The following ZC4H2 variants were observed in gnomAD, a reference collection of about 807,000 sequenced individuals.
The protein encoded by ZC4H2 is zinc finger C4H2-type containing, also known as zinc finger C4H2 domain-containing protein.
For missense variants in ZC4H2, 137 were observed against 173.9 expected, an observed-to-expected ratio of 0.79 and a Z score of 1.19; for synonymous variants, 84 against 66.3, an observed-to-expected ratio of 1.27 and a Z score of -1.30.
At chrX:64,955,943 G>C (rs1931139164) in intron 1 of ZC4H2, among the ~76,000 whole-genome samples, 1 of 111,769 alleles carries the variant, frequency 8.9e-6, no homozygotes, top group African/African-American at 3.3e-5. Flanking sequence ...GGGTTAAAGT[G>C]AACATTATGA....
chrX:64,923,902 C>A (rs1046588544), intron 1 of ZC4H2, among the ~76,000 whole-genome samples: 2 of 111,003 alleles, frequency 1.8e-5, no homozygotes, highest in African/African-American at 3.3e-5. Context: ...GGTTACCAGG[C>A]TGAAGGGCAT....
intron 1 of ZC4H2, among the ~76,000 whole-genome samples, chrX:64,937,696 T>C (rs755044087): frequency 7.5e-4 from 84 of 111,550 alleles, no homozygotes; most frequent in African/African-American, 1.8e-3. Context: ...AGGTAATTAA[T>C]GAAATGAAGG....
At chrX:64,919,383 G>T in intron 3 of ZC4H2, 179 bp from the exon 4 acceptor site, 1 of 464,907 alleles carries the variant, frequency 2.2e-6, no homozygotes, top group Non-Finnish European at 3.5e-6. Context: ...TGATGAGAAG[G>T]GTAATCCTCT....
intron 4 of ZC4H2, 77 bp from the exon 5 acceptor site, chrX:64,917,973 G>A (rs1438535955): frequency 2.2e-5 from 24 of 1,097,409 alleles, no homozygotes; most frequent in South Asian, 6.4e-5. Context: ...GATTCCCCAG[G>A]GGCCCAGAAA....
rs142698608 is a variant in ZC4H2, at chrX:65,021,854, A to C, written c.-272+12775T>G. 7.0e-3 allele frequency among the ~76,000 whole-genome samples: 775 copies of C among 110,862 alleles called. 13 individuals are homozygous for C. Among genetic ancestry groups the C allele is most frequent in the African/African-American group, 0.024 (717 of 29,623 alleles). ...AATGATAAAGGGGATATCACCACCG[A>C]TCCCACAGAAATACTAACTACCATC... On this transcript the variant is annotated intron_variant, in intron 1 of 4. Coordinates refer to the ZC4H2 transcript ENST00000337990.
At chrX:65,009,097 T>C (rs765909296) in intron 1 of ZC4H2, among the ~76,000 whole-genome samples, 7 of 112,162 alleles carry the variant, frequency 6.2e-5, no homozygotes, top group Admixed American at 1.9e-4. Context: ...GTACAACTAT[T>C]ATGTATCCAT....
At chrX:64,956,121 T>C (rs1014604588) in intron 1 of ZC4H2, among the ~76,000 whole-genome samples, 1 of 112,194 alleles carries the variant, frequency 8.9e-6, no homozygotes, top group Non-Finnish European at 1.9e-5. Flanking sequence ...GTGAAAGTTA[T>C]ACTAAATAAT....
At chrX:64,966,228 G>A (rs1019229719) in intron 1 of ZC4H2, among the ~76,000 whole-genome samples, 5 of 111,959 alleles carry the variant, frequency 4.5e-5, no homozygotes, top group Non-Finnish European at 7.5e-5. Context: ...TTAGGAATAT[G>A]CAAGTTAAAA....
At chrX:64,943,041 T>C (rs900644303) in intron 1 of ZC4H2, among the ~76,000 whole-genome samples, 1 of 112,260 alleles carries the variant, frequency 8.9e-6, no homozygotes, top group Non-Finnish European at 1.9e-5. Context: ...TGAGATGGTA[T>C]CTCATTGTGG....
chrX:65,030,242 C>T (rs777226236), intron 1 of ZC4H2, among the ~76,000 whole-genome samples: 2 of 111,228 alleles, frequency 1.8e-5, no homozygotes, highest in Non-Finnish European at 3.8e-5. Context: ...CTCAGCCTCC[C>T]GAGTAGCTGG....
At chrX:64,991,415 A>C (rs1367718313) in intron 1 of ZC4H2, among the ~76,000 whole-genome samples, 1 of 111,575 alleles carries the variant, frequency 9.0e-6, no homozygotes, top group Non-Finnish European at 1.9e-5. Flanking sequence ...AAGAACCCTG[A>C]CATATTACAA....
chrX:64,960,201 A>T (rs1212989211), intron 1 of ZC4H2, among the ~76,000 whole-genome samples: 1 of 111,118 alleles, frequency 9.0e-6, no homozygotes, highest in Non-Finnish European at 1.9e-5. Flanking sequence ...CAATTGAAAA[A>T]AATGGAGCCA....
At chrX:64,922,918 A>T (rs1009521042) in intron 1 of ZC4H2, among the ~76,000 whole-genome samples, 2 of 112,113 alleles carry the variant, frequency 1.8e-5, no homozygotes, top group African/African-American at 6.5e-5. Context: ...TGTGTTTATC[A>T]GTTCCAGAAA....
intron 1 of ZC4H2, among the ~76,000 whole-genome samples, chrX:64,992,646 C>A (rs2147274221): frequency 9.0e-6 from 1 of 111,398 alleles, no homozygotes; most frequent in East Asian, 2.8e-4. Context: ...TCATGGTGTG[C>A]CCAGTCTTCA....
chrX:65,023,087 T>C (rs1189611170), intron 1 of ZC4H2, among the ~76,000 whole-genome samples: 1 of 111,774 alleles, frequency 8.9e-6, no homozygotes, highest in Non-Finnish European at 1.9e-5. Flanking sequence ...TGAAGTCAGG[T>C]AGCATAATGC....
At chrX:64,923,615 T>C (rs1929300494) in intron 1 of ZC4H2, among the ~76,000 whole-genome samples, 1 of 110,101 alleles carries the variant, frequency 9.1e-6, no homozygotes, top group African/African-American at 3.3e-5. Flanking sequence ...GAAAGAACTG[T>C]TAGGTGGGTA....
At chrX:64,970,403 G>A (rs1353807736) in intron 1 of ZC4H2, among the ~76,000 whole-genome samples, 1 of 106,734 alleles carries the variant, frequency 9.4e-6, no homozygotes, top group Non-Finnish European at 1.9e-5. Context: ...CACTGGTTCT[G>A]AGTCAATCCC....
Position 64,945,150 on chromosome X carries a change from G to C in ZC4H2, c.54-23162C>G, listed in dbSNP as rs182389831. 2.7e-5 allele frequency among the ~76,000 whole-genome samples: 3 copies of C among 113,011 alleles called. No individual in the cohort carries two copies. The Admixed American group carries it at 2.8e-4, about 11-fold the overall frequency. ...CGAGGAGTTGTGATCCTTTGTAGGA[G>C]AGGTGGCATTGTAGCTTTTGGAATT... On this transcript the variant is annotated intron_variant, in intron 1 of 4. Transcript: ENST00000374839.
At chrX:64,986,811 A>G (rs1259423520) in intron 1 of ZC4H2, among the ~76,000 whole-genome samples, 1 of 111,783 alleles carries the variant, frequency 8.9e-6, no homozygotes, top group East Asian at 2.8e-4. Context: ...CAGGAGCCTA[A>G]TGATAAAGAC....
Sources: gnomAD v4.1 joint callset for allele counts (sites outside exome capture counted in the v4.1 genomes callset) on GRCh38, gnomAD v4.1.1 for gene constraint, MANE v1.5 for transcripts, NCBI Gene and HGNC (gene_info 2026-07-23, HGNC 2026-07-21) for gene names.